The following ARMH4 variants were observed in gnomAD, a reference collection of about 807,000 sequenced individuals.
ARMH4 encodes armadillo-like helical domain-containing protein 4.
Under a neutral mutation model 61.9 loss-of-function variants are expected in ARMH4, and 49 were observed. The ratio of observed to expected loss-of-function variants is 0.79; its 90% CI spans 0.63 to 1.00. ARMH4 has a LOEUF of 1.00. ARMH4 is among the 50% of genes least tolerant of loss of function. ARMH4 has a pLI of 0.00. For missense variants in ARMH4, 934 were observed against 930.0 expected, an observed-to-expected ratio of 1.00 and a Z score of -0.06; for synonymous variants, 368 against 341.5, an observed-to-expected ratio of 1.08 and a Z score of -0.85.
intron 4 of ARMH4, chr14:58,116,190 T>C (rs1041462827): frequency 6.5e-6 from 1 of 152,850 alleles, no homozygotes; most frequent in African/African-American, 2.4e-5. Flanking sequence ...TGAAAACTTT[T>C]TACTAAATTT....
At chr14:58,060,559 T>C (rs1352651634) in intron 5 of ARMH4, among the ~76,000 whole-genome samples, 1 of 152,216 alleles carries the variant, frequency 6.6e-6, no homozygotes, top group Non-Finnish European at 1.5e-5. Flanking sequence ...ACCCAGATAC[T>C]GCCAACCAAG....
At position 58,133,347 on chromosome 14, in the gene ARMH4, A is replaced by T; in HGVS notation, c.1370-6T>A. 6.2e-7 allele frequency: 1 copy of T among 1,607,214 alleles called. No homozygotes were observed. The highest frequency in any genetic ancestry group is 1.1e-5 in the South Asian group (1 of 89,984). On this transcript the variant is annotated splice_region_variant and splice_polypyrimidine_tract_variant and intron_variant, in intron 2 of 7. Coordinates refer to ENST00000267485, the MANE Select transcript of ARMH4 (RefSeq NM_001001872.4). ...CATCTCTTGAGTGATGATGTCTTAAAGGGGGGAAAACATTTAAAAATAGAC... is the reference window on the plus strand; with the variant it reads ...CATCTCTTGAGTGATGATGTCTTAATGGGGGGAAAACATTTAAAAATAGAC...
intron 5 of ARMH4, among the ~76,000 whole-genome samples, chr14:58,044,324 A>G (rs1252478102): frequency 2.0e-5 from 3 of 152,146 alleles, no homozygotes; most frequent in African/African-American, 7.2e-5. Context: ...ATCTACAACC[A>G]CCTGATCTTT....
intron 5 of ARMH4, among the ~76,000 whole-genome samples, chr14:58,028,176 ACATTT>A (rs1461547645): frequency 6.6e-6 from 1 of 152,102 alleles, no homozygotes; most frequent in East Asian, 1.9e-4. Context: ...CCTGTTTGTT[ACATTT>A]ATTTACTTTC....
chr14:58,036,818 A>G (rs1434905547), intron 5 of ARMH4, among the ~76,000 whole-genome samples: 3 of 126,412 alleles, frequency 2.4e-5, no homozygotes, highest in East Asian at 4.7e-4. Flanking sequence ...CAAAGAGAAT[A>G]AAATACCTAG....
intron 5 of ARMH4, among the ~76,000 whole-genome samples, chr14:58,019,560 G>A (rs1409944023): frequency 2.6e-5 from 4 of 151,834 alleles, no homozygotes; most frequent in African/African-American, 7.3e-5. Context: ...TGTGAAGATC[G>A]AAGATGCAGC....
intron 5 of ARMH4, among the ~76,000 whole-genome samples, chr14:58,077,512 T>TG (rs1885086411): frequency 6.6e-6 from 1 of 151,888 alleles, no homozygotes; most frequent in Non-Finnish European, 1.5e-5. Context: ...GAGGCTGAGG[T>TG]GGGGGGACCG....
At chr14:58,038,701 A>G (rs1883575446) in intron 5 of ARMH4, among the ~76,000 whole-genome samples, 2 of 152,196 alleles carry the variant, frequency 1.3e-5, no homozygotes. Flanking sequence ...ATAGTTTCAA[A>G]GTAGTGATGA....
At chr14:58,090,362 A>G (rs1016709076) in intron 5 of ARMH4, among the ~76,000 whole-genome samples, 4 of 152,202 alleles carry the variant, frequency 2.6e-5, no homozygotes, top group African/African-American at 9.6e-5. Flanking sequence ...GATAGAAGAG[A>G]CATAGATGTG....
At chr14:58,077,274 T>C (rs1885077541) in intron 5 of ARMH4, among the ~76,000 whole-genome samples, 1 of 152,158 alleles carries the variant, frequency 6.6e-6, no homozygotes, top group Non-Finnish European at 1.5e-5. Flanking sequence ...TGAGAATTGA[T>C]GAAACCATGT....
At chr14:58,055,395 A>G (rs1178298116) in intron 5 of ARMH4, among the ~76,000 whole-genome samples, 1 of 152,210 alleles carries the variant, frequency 6.6e-6, no homozygotes, top group Non-Finnish European at 1.5e-5. Context: ...GGAGTACACG[A>G]AAGTGTGCTA....
chr14:58,077,512 T>C (rs1447189881), intron 5 of ARMH4, among the ~76,000 whole-genome samples: 8 of 151,888 alleles, frequency 5.3e-5, no homozygotes, highest in Non-Finnish European at 4.4e-5. Context: ...GAGGCTGAGG[T>C]GGGGGGACCG....
chr14:58,087,871 G>C (rs1312980704), intron 5 of ARMH4, among the ~76,000 whole-genome samples: 4 of 152,170 alleles, frequency 2.6e-5, no homozygotes, highest in African/African-American at 9.7e-5. Context: ...TTCATCAGAA[G>C]TCTCGTGAAC....
intron 1 of ARMH4, among the ~76,000 whole-genome samples, chr14:58,147,465 C>T (rs1257817677): frequency 6.6e-6 from 1 of 152,130 alleles, no homozygotes; most frequent in Non-Finnish European, 1.5e-5. Context: ...CAGGCGCACG[C>T]CACCACGCCC....
At chr14:58,133,364 A>G (rs749434046) in intron 2 of ARMH4, 23 bp from the exon 3 acceptor site, 17 of 1,582,146 alleles carry the variant, frequency 1.1e-5, no homozygotes, top group Non-Finnish European at 1.1e-5. Flanking sequence ...AAAACATTTA[A>G]AAATAGACCA....
At chr14:58,096,187 A>G (rs1885741794) in intron 5 of ARMH4, among the ~76,000 whole-genome samples, 1 of 152,190 alleles carries the variant, frequency 6.6e-6, no homozygotes, top group African/African-American at 2.4e-5. Flanking sequence ...ATGCAGCCAC[A>G]AGTCTGAACA....
chr14:58,088,788 AG>A (rs938150506), intron 5 of ARMH4, among the ~76,000 whole-genome samples: 4 of 152,090 alleles, frequency 2.6e-5, no homozygotes, highest in Admixed American at 6.5e-5. Context: ...TAAAAAGCTG[AG>A]GGTTTTTTTT....
chr14:58,124,942 T>C (rs1886848878), intron 4 of ARMH4, among the ~76,000 whole-genome samples: 1 of 152,168 alleles, frequency 6.6e-6, no homozygotes, highest in African/African-American at 2.4e-5. Flanking sequence ...ACTCTAAGTA[T>C]GCTTACCTAG....
At chr14:58,052,456 C>T (rs1034654523) in intron 5 of ARMH4, among the ~76,000 whole-genome samples, 1 of 151,918 alleles carries the variant, frequency 6.6e-6, no homozygotes, top group Non-Finnish European at 1.5e-5. Context: ...TGCCTCCTGA[C>T]TTCAGAGCTT....
Sources: allele counts gnomAD v4.1 joint callset (sites outside exome capture counted in the v4.1 genomes callset), GRCh38; gene constraint gnomAD v4.1.1; transcripts MANE v1.5; gene names NCBI Gene and HGNC (gene_info 2026-07-23, HGNC 2026-07-21).